Variants in FRY observed in about 807,000 individuals in gnomAD.
FRY encodes the protein FRY microtubule binding protein, also known as protein furry homolog.
Under a neutral mutation model 348.4 loss-of-function variants are expected in FRY, and 128 were observed. The observed-to-expected ratio is 0.37, with a 90% CI of 0.32 to 0.43. The LOEUF (loss-of-function observed/expected upper bound fraction) is 0.43. Among genes scored for constraint, FRY ranks in the 20% least tolerant of loss-of-function variants. The pLI is 1.00. For missense variants in FRY, 2,736 were observed against 3,695.2 expected, an observed-to-expected ratio of 0.74 and a Z score of 6.73; for synonymous variants, 1,370 against 1,374.7, an observed-to-expected ratio of 1.00 and a Z score of 0.08.
intron 16 of FRY, among the ~76,000 whole-genome samples, chr13:32,160,593 T>G (rs1258388520): frequency 6.6e-6 from 1 of 152,198 alleles, no homozygotes; most frequent in African/African-American, 2.4e-5. Flanking sequence ...CGGTATCACT[T>G]TAAAAGTCAG....
intron 60 of FRY, 45 bp downstream of exon 60, chr13:32,294,615 C>T (rs755667692): frequency 7.2e-7 from 1 of 1,393,408 alleles, no homozygotes. Context: ...GAAATGCACA[C>T]CTGGTTGTTA....
At chr13:32,168,866 C>T (rs1853760002) in intron 17 of FRY, among the ~76,000 whole-genome samples, 1 of 152,176 alleles carries the variant, frequency 6.6e-6, no homozygotes, top group Admixed American at 6.5e-5. Flanking sequence ...TCTTATCAAA[C>T]TTTTGAAATA....
chr13:32,168,153 C>T (rs1881855620), intron 17 of FRY, among the ~76,000 whole-genome samples: 1 of 152,140 alleles, frequency 6.6e-6, no homozygotes, highest in South Asian at 2.1e-4. Flanking sequence ...AGAGCCAGTG[C>T]TGCCATTCTT....
intron 20 of FRY, 113 bp downstream of exon 20, chr13:32,175,745 T>C (rs1351561025): frequency 2.8e-6 from 2 of 718,448 alleles, no homozygotes; most frequent in African/African-American, 3.5e-5. Flanking sequence ...ATTAATAAAC[T>C]GACCCAAAGG....
intron 11 of FRY, among the ~76,000 whole-genome samples, chr13:32,140,227 T>C (rs1227080347): frequency 6.6e-6 from 1 of 152,134 alleles, no homozygotes; most frequent in Admixed American, 6.5e-5. Context: ...TTGTTGTGGG[T>C]ATCATGGCAA....
intron 20 of FRY, among the ~76,000 whole-genome samples, chr13:32,177,596 T>C (rs1309503996): frequency 2.0e-5 from 3 of 149,638 alleles, no homozygotes; most frequent in Non-Finnish European, 4.4e-5. Context: ...TCTGTCTCGA[T>C]AAATAAATAA....
intron 52 of FRY, 135 bp downstream of exon 52, chr13:32,261,951 A>G: frequency 1.2e-6 from 1 of 832,412 alleles, no homozygotes; most frequent in South Asian, 1.5e-5. Context: ...AGGTGGTGTC[A>G]TACGGGTTCT....
At position 32,224,227 on chromosome 13, in the gene FRY, C is replaced by T. The variant is rs1450196705; in HGVS notation, c.4766-8C>T. On this transcript the variant is annotated splice_polypyrimidine_tract_variant and splice_region_variant and intron_variant, in intron 36 of 60. Transcript: ENST00000542859. Reference sequence around the variant, plus strand: ...AAATAAAGCACAGTTGTCTTTCTCACCCTCCAGATGATCCAATTTCTCCCT... The same window carrying T: ...AAATAAAGCACAGTTGTCTTTCTCATCCTCCAGATGATCCAATTTCTCCCT... 6.2e-7 allele frequency: 1 copy of T among 1,613,264 alleles called. No homozygotes were observed. The highest frequency in any genetic ancestry group is 1.7e-5 in the Admixed American group (1 of 60,020).
intron 55 of FRY, among the ~76,000 whole-genome samples, chr13:32,272,228 C>G (rs1888241825): frequency 1.3e-5 from 2 of 152,138 alleles, no homozygotes; most frequent in South Asian, 4.2e-4. Context: ...TTTACTGTTT[C>G]CCAACATTTC....
rs974308217 is a variant in FRY, at chr13:32,297,159, A to G, written c.*1699A>G. The G allele has an allele frequency of 6.6e-6, 1 of 152,226 alleles. No homozygotes were observed. Among genetic ancestry groups the G allele is most frequent in the Non-Finnish European group, 1.5e-5 (1 of 68,036 alleles). The allele number at this position is 152,226 out of a possible 1,614,324, so 9.4% of individuals were successfully genotyped here. ...TAATATTCTAGGAGTATTCTATAGA[A>G]GAGAGCCTAACCTAGGATTTTTTTT... is the stretch of plus-strand genomic sequence containing the variant. On this transcript the variant is annotated 3_prime_UTR_variant, in exon 61 of 61. Coordinates refer to ENST00000542859, the MANE Select transcript of FRY (RefSeq NM_023037.3).
chr13:32,173,544 C>A lies in FRY; in HGVS notation c.2329C>A (p.Pro777Thr). ...IRALFIALGQ[P>T]EDDDRPMIDV... Reference sequence around the variant, plus strand: ...AGCGTTGTTTATTGCCCTGGGGCAGCCTGAGGTATGGATTAGTCTTCTGAA... The same window carrying A: ...AGCGTTGTTTATTGCCCTGGGGCAGACTGAGGTATGGATTAGTCTTCTGAA... Residue 777 changes from proline (P) to threonine (T), a missense_variant, in exon 19 of 61, where the codon CCT (proline) becomes ACT (threonine). Physicochemically the swap from Pro to Thr is conservative, Grantham distance 38. Around this residue, in one of 9 missense-constraint regions of FRY, gnomAD observed 449 missense variants for 576.9 expected, o/e 0.78. Transcript: ENST00000542859. 6.2e-7 allele frequency: 1 copy of A among 1,610,490 alleles called. No individual in the cohort carries two copies. Among genetic ancestry groups the A allele is most frequent in the Non-Finnish European group, 8.5e-7 (1 of 1,177,102 alleles).
chr13:32,105,167 C>T (rs1877456384), intron 3 of FRY, among the ~76,000 whole-genome samples: 1 of 152,194 alleles, frequency 6.6e-6, no homozygotes, highest in African/African-American at 2.4e-5. Context: ...GTGATAGTAT[C>T]AAGAGGTAGG....
At chr13:32,234,809 C>CCT in intron 42 of FRY, 48 bp downstream of exon 42, 1 of 1,414,456 alleles carries the variant, frequency 7.1e-7, no homozygotes, top group Non-Finnish European at 1.0e-6. Context: ...GCTCTCTCAT[C>CCT]TCAATGAGGT....
In FRY at chr13:32,209,740, C is replaced by T; in HGVS notation, c.4422+9C>T. 1 of 1,613,796 alleles carries T rather than the reference C, an allele frequency of 6.2e-7. No individual in the cohort carries two copies. Among genetic ancestry groups the T allele is most frequent in the South Asian group, 1.1e-5 (1 of 91,074 alleles). ...CAGTTCTCCTACCCTATGTAAGTGTCTCTCAGCCCTTCAAGAGTGATTATT... is the reference window on the plus strand; with the variant it reads ...CAGTTCTCCTACCCTATGTAAGTGTTTCTCAGCCCTTCAAGAGTGATTATT... On this transcript the variant is annotated intron_variant, in intron 33 of 60. Transcript: ENST00000542859.
chr13:32,127,607 C>G (rs777616105), intron 7 of FRY, among the ~76,000 whole-genome samples: 12 of 152,090 alleles, frequency 7.9e-5, no homozygotes, highest in Admixed American at 3.9e-4. Context: ...GAAACCCCGT[C>G]TCTACTAAAA....
At chr13:32,257,230 T>C (rs1312634010) in intron 51 of FRY, among the ~76,000 whole-genome samples, 1 of 152,212 alleles carries the variant, frequency 6.6e-6, no homozygotes, top group African/African-American at 2.4e-5. Context: ...CAATGTATAG[T>C]GTCTAGCAAA....
chr13:32,060,264 C>A (rs1334268436), intron 1 of FRY, among the ~76,000 whole-genome samples: 2 of 152,206 alleles, frequency 1.3e-5, no homozygotes, highest in South Asian at 4.1e-4. Context: ...TTCTCAACCT[C>A]ATTAACCTAA....
At chr13:32,195,717 G>T (rs759704611) in intron 29 of FRY, among the ~76,000 whole-genome samples, 2 of 152,100 alleles carry the variant, frequency 1.3e-5, no homozygotes, top group African/African-American at 2.4e-5. Flanking sequence ...AATATCTCTA[G>T]TCACAAAAAT....
At chr13:32,117,571 C>T (rs1447104902) in intron 4 of FRY, 98 bp downstream of exon 4, 4 of 1,262,692 alleles carry the variant, frequency 3.2e-6, no homozygotes, top group South Asian at 2.4e-5. Flanking sequence ...GTCTTCCTGA[C>T]TCTTCACAAG....
Sources: allele counts gnomAD v4.1 joint callset (sites outside exome capture counted in the v4.1 genomes callset), GRCh38; gene constraint gnomAD v4.1.1; regional missense constraint gnomAD v4.1.1; transcripts MANE v1.5; gene names NCBI Gene and HGNC (gene_info 2026-07-23, HGNC 2026-07-21).